The following NDST4 variants were observed in gnomAD, a reference collection of about 807,000 sequenced individuals.
The protein encoded by NDST4 is N-deacetylase and N-sulfotransferase 4.
A neutral mutation model predicts 100.8 loss-of-function variants in NDST4; 63 were observed. That is an observed-to-expected ratio of 0.62 (90% CI 0.51 to 0.77). The LOEUF is 0.77. Among genes scored for constraint, NDST4 ranks in the 30% least tolerant of loss-of-function variants. The pLI, the probability that NDST4 is intolerant of heterozygous loss-of-function variation, is 0.00. For missense variants in NDST4, 943 were observed against 1,018.4 expected (o/e 0.93, Z 1.01); for synonymous variants, 377 against 361.8 (o/e 1.04, Z -0.48).
At chr4:115,113,071 T>C (rs1285910928) in intron 1 of NDST4, among the ~76,000 whole-genome samples, 3 of 151,938 alleles carry the variant, frequency 2.0e-5, no homozygotes, top group South Asian at 2.1e-4. Context: ...TTTATAACCC[T>C]ACAGTTAACT....
At chr4:115,051,889 A>G (rs529029667) in intron 2 of NDST4, among the ~76,000 whole-genome samples, 72 of 152,268 alleles carry the variant, frequency 4.7e-4, no homozygotes, top group African/African-American at 1.7e-3. Flanking sequence ...CAGAATTTAC[A>G]TTCTCACAAA....
chr4:115,064,030 G>A lies in NDST4; in HGVS notation c.978+12029C>T, dbSNP rs895327590. On this transcript the variant is annotated intron_variant, in intron 2 of 13. Transcript: ENST00000264363. ...AAGTCAGCACTTAACGTTAGTATTAGATCCATTACTATGTAGCTTGTTTTG... is the reference window on the plus strand; with the variant it reads ...AAGTCAGCACTTAACGTTAGTATTAAATCCATTACTATGTAGCTTGTTTTG... Among the ~76,000 whole-genome samples the A allele has an allele frequency of 3.3e-5, 5 of 151,916 alleles. No individual in the cohort carries two copies. In the East Asian group the frequency reaches 9.6e-4, roughly 29 times the overall value.
In NDST4 at chr4:114,862,935, C is replaced by CT. The variant is rs1373714961; in HGVS notation, c.1719+7832dup. Among the ~76,000 whole-genome samples the CT allele has an allele frequency of 2.6e-5, 4 of 152,108 alleles. No homozygotes were observed. In the South Asian group the frequency reaches 6.2e-4, roughly 24 times the overall value. The stretch of plus-strand genomic sequence containing the variant: ...ATGTTCCTCAATATAGGCAGATTGT[C>CT]TTTTTTTGTAACTGCAATCCTTTTA... On this transcript the variant is annotated intron_variant, in intron 7 of 13. Coordinates refer to ENST00000264363, the MANE Select transcript of NDST4 (RefSeq NM_022569.3).
At position 114,879,474 on chromosome 4, in the gene NDST4, A is replaced by AC. The variant is rs1724321432; in HGVS notation, c.1537-8525dup. On this transcript the variant is annotated intron_variant, in intron 6 of 13. Transcript: ENST00000264363. ...CCTCTACACACCTAAATCAAAGAGC[A>AC]CCCCCATCCCTCTTCCCCATTCCCT... is the stretch of plus-strand genomic sequence containing the variant. Among the ~76,000 whole-genome samples the AC allele has an allele frequency of 4.6e-5, 7 of 152,050 alleles. No homozygotes were observed. The South Asian group carries it at 1.5e-3, about 32-fold the overall frequency.
chr4:114,939,628 G>GA (rs994358775), intron 4 of NDST4, among the ~76,000 whole-genome samples: 15 of 143,076 alleles, frequency 1.0e-4, no homozygotes, highest in African/African-American at 2.1e-4. Context: ...ATCTCCTCAG[G>GA]AAAAAAAAAG....
intron 6 of NDST4, among the ~76,000 whole-genome samples, chr4:114,929,705 A>G (rs1725473072): frequency 6.6e-6 from 1 of 152,244 alleles, no homozygotes; most frequent in Admixed American, 6.5e-5. Context: ...TTAGTTCACA[A>G]GTGGTAAACA....
At chr4:114,882,002 G>A (rs1425118523) in intron 6 of NDST4, among the ~76,000 whole-genome samples, 1 of 151,816 alleles carries the variant, frequency 6.6e-6, no homozygotes, top group Non-Finnish European at 1.5e-5. Flanking sequence ...TCCCTCAAAT[G>A]TCAAGGGAGT....
intron 6 of NDST4, among the ~76,000 whole-genome samples, chr4:114,921,328 T>C (rs1725281659): frequency 6.6e-6 from 1 of 152,138 alleles, no homozygotes; most frequent in African/African-American, 2.4e-5. Flanking sequence ...GAAAGCATAA[T>C]AAACTGATAC....
intron 4 of NDST4, among the ~76,000 whole-genome samples, chr4:114,938,179 T>C (rs1725674413): frequency 6.6e-6 from 1 of 152,136 alleles, no homozygotes; most frequent in South Asian, 2.1e-4. Flanking sequence ...AAATTATTTA[T>C]GGTCAGATTC....
At chr4:115,015,250 T>C (rs1478188865) in intron 2 of NDST4, among the ~76,000 whole-genome samples, 1 of 152,080 alleles carries the variant, frequency 6.6e-6, no homozygotes, top group East Asian at 1.9e-4. Context: ...TCTATGATCA[T>C]CAAACAGAGA....
At chr4:114,980,726 C>G (rs1306929057) in intron 2 of NDST4, among the ~76,000 whole-genome samples, 3 of 151,274 alleles carry the variant, frequency 2.0e-5, no homozygotes, top group African/African-American at 7.4e-5. Flanking sequence ...ATTTAATAGT[C>G]TGCATGACAT....
chr4:114,846,532 AAC>A (rs1051556522), intron 9 of NDST4, among the ~76,000 whole-genome samples: 1 of 152,156 alleles, frequency 6.6e-6, no homozygotes, highest in African/African-American at 2.4e-5. Flanking sequence ...TAGCGATGTG[AAC>A]ACTTTATAGT....
chr4:114,869,330 G>C (rs1724098719), intron 7 of NDST4, among the ~76,000 whole-genome samples: 1 of 151,864 alleles, frequency 6.6e-6, no homozygotes, highest in African/African-American at 2.4e-5. Flanking sequence ...TATGTAAGCT[G>C]TCTAAAATCT....
rs192544148 is a variant in NDST4, at chr4:114,998,734, G to A, written c.979-21460C>T. On this transcript the variant is annotated intron_variant, in intron 2 of 13. Transcript: ENST00000264363. ...CTAAACTTTATCAATAGAGTATTTG[G>A]TGGTCTTGCTTCCATTTCCCTGGGA... Among the ~76,000 whole-genome samples the A allele has an allele frequency of 2.8e-4, 42 of 152,052 alleles. 1 individual carries two copies. In the East Asian group the frequency reaches 7.9e-3, roughly 29 times the overall value.
intron 8 of NDST4, 134 bp downstream of exon 8, chr4:114,852,591 C>A: frequency 5.3e-6 from 3 of 569,490 alleles, no homozygotes; most frequent in Non-Finnish European, 3.1e-6. Context: ...AGATGACAAG[C>A]AGTTCAAATA....
intron 2 of NDST4, among the ~76,000 whole-genome samples, chr4:115,056,330 G>T (rs1006318054): frequency 1.1e-4 from 17 of 152,100 alleles, no homozygotes; most frequent in Non-Finnish European, 2.4e-4. Flanking sequence ...GCAACAGGGT[G>T]AGACCCTGTC....
At chr4:114,926,235 T>C (rs1013904273) in intron 6 of NDST4, among the ~76,000 whole-genome samples, 1 of 152,116 alleles carries the variant, frequency 6.6e-6, no homozygotes, top group Non-Finnish European at 1.5e-5. Context: ...ATCTGAATGT[T>C]AAATAGACAG....
intron 4 of NDST4, among the ~76,000 whole-genome samples, chr4:114,952,991 C>T (rs899553276): frequency 6.6e-6 from 1 of 151,712 alleles, no homozygotes; most frequent in African/African-American, 2.4e-5. Flanking sequence ...TTTAAGAAAA[C>T]CGGGCACACA....
intron 6 of NDST4, among the ~76,000 whole-genome samples, chr4:114,904,415 A>G (rs1014686357): frequency 6.6e-6 from 1 of 151,914 alleles, no homozygotes; most frequent in African/African-American, 2.4e-5. Flanking sequence ...TAGTAATGTA[A>G]TTGATATTAT....
Sources: allele counts gnomAD v4.1 joint callset (sites outside exome capture counted in the v4.1 genomes callset), GRCh38; gene constraint gnomAD v4.1.1; transcripts MANE v1.5; gene names NCBI Gene and HGNC (gene_info 2026-07-23, HGNC 2026-07-21).